NOSTRIN: variants seen among roughly 807,000 people sequenced by gnomAD.
The protein encoded by NOSTRIN is nitric oxide synthase trafficking, also known as BM247 homolog.
NOSTRIN carries 63 observed loss-of-function variants against 59.0 expected under a neutral mutation model. The observed-to-expected ratio is 1.07, with a 90% CI of 0.87 to 1.32. The LOEUF is 1.32. NOSTRIN is among the 40% of genes most tolerant of loss of function. The pLI, the probability that NOSTRIN is intolerant of heterozygous loss-of-function variation, is 0.00. For synonymous variants in NOSTRIN, 200 were observed against 165.4 expected (o/e 1.21, Z -1.61); for missense variants, 512 against 473.1 (o/e 1.08, Z -0.76).
chr2:168,801,371 C>T (rs951596358), upstream of NOSTRIN, among the ~76,000 whole-genome samples: 1 of 150,162 alleles, frequency 6.7e-6, no homozygotes, highest in African/African-American at 2.5e-5. Flanking sequence ...CAGGCACATA[C>T]CACCACATCC....
At chr2:168,830,147 C>T (rs897023999) in intron 5 of NOSTRIN, among the ~76,000 whole-genome samples, 2 of 152,068 alleles carry the variant, frequency 1.3e-5, no homozygotes, top group Non-Finnish European at 2.9e-5. Flanking sequence ...GTCTATATTT[C>T]GTTGATTACA....
chr2:168,856,837 T>C, intron 12 of NOSTRIN, 59 bp downstream of exon 12: 1 of 1,509,358 alleles, frequency 6.6e-7, no homozygotes, highest in South Asian at 1.1e-5. Context: ...ATTTTTAGAA[T>C]ACTTGTTTCT....
chr2:168,809,789 AAGTT>A (rs1440740943), intron 1 of NOSTRIN, among the ~76,000 whole-genome samples: 53 of 150,090 alleles, frequency 3.5e-4, no homozygotes, highest in Admixed American at 3.3e-4. Flanking sequence ...AAATAATAAA[AAGTT>A]AGTTTTATTG....
chr2:168,837,349 G>T, intron 7 of NOSTRIN, among the ~76,000 whole-genome samples: 1 of 108,742 alleles, frequency 9.2e-6, no homozygotes, highest in African/African-American at 3.7e-5. Flanking sequence ...TTGCTGTGTC[G>T]CCCAGGCTGG....
intron 2 of NOSTRIN, among the ~76,000 whole-genome samples, chr2:168,788,323 G>T (rs543431370): frequency 2.0e-5 from 3 of 151,016 alleles, no homozygotes; most frequent in African/African-American, 7.3e-5. Context: ...TTCTCTTCCT[G>T]AACTGTTCAG....
intron 3 of NOSTRIN, among the ~76,000 whole-genome samples, 199 bp downstream of exon 3, chr2:168,824,916 G>C (rs185207284): frequency 0.011 from 1,629 of 151,846 alleles, 19 homozygotes; most frequent in Non-Finnish European, 0.018. Flanking sequence ...GAGTAGCTGG[G>C]ACCATGCCCT....
chr2:168,818,151 T>C, intron 2 of NOSTRIN: 1 of 286,106 alleles, frequency 3.5e-6, no homozygotes, highest in South Asian at 3.3e-5. Context: ...TAGCTCTATT[T>C]TATTATTTTA....
chr2:168,864,815 T>TCTAA lies in NOSTRIN; in HGVS notation c.1385-16_1385-13dup, dbSNP rs767134914. On this transcript the variant is annotated intron_variant, in intron 15 of 15. Coordinates refer to ENST00000317647, the MANE Select transcript of NOSTRIN (RefSeq NM_001039724.4). ...TGTTCACATCACAGAGACCCATTTG[T>TCTAA]CTAACTGTATTTTCACAGGTGACAT... The TCTAA allele has an allele frequency of 3.7e-6, 6 of 1,613,290 alleles. No individual in the cohort carries two copies. In the African/African-American group the frequency reaches 4.0e-5, roughly 11 times the overall value.
intron 3 of NOSTRIN, among the ~76,000 whole-genome samples, chr2:168,827,599 G>A (rs938578196): frequency 3.3e-5 from 5 of 151,190 alleles, no homozygotes; most frequent in Admixed American, 6.6e-5. Context: ...CAGGGGATAC[G>A]GTCTTGCTCT....
At chr2:168,813,692 G>T (rs529963010) in intron 2 of NOSTRIN, among the ~76,000 whole-genome samples, 79 of 152,192 alleles carry the variant, frequency 5.2e-4, no homozygotes, top group Non-Finnish European at 2.8e-4. Flanking sequence ...TTATAGAGAA[G>T]AATTTAGAAT....
chr2:168,822,248 C>T (rs1197133116), intron 2 of NOSTRIN, among the ~76,000 whole-genome samples: 1 of 152,174 alleles, frequency 6.6e-6, no homozygotes, highest in African/African-American at 2.4e-5. Context: ...AATTCTGACA[C>T]CAAATGGTTG....
intron 1 of NOSTRIN, among the ~76,000 whole-genome samples, chr2:168,808,743 T>C (rs890216863): frequency 6.6e-6 from 1 of 152,190 alleles, no homozygotes; most frequent in African/African-American, 2.4e-5. Flanking sequence ...TGTCCTTGGA[T>C]AGAAAGTCTA....
intron 7 of NOSTRIN, among the ~76,000 whole-genome samples, chr2:168,835,847 G>A (rs1407001786): frequency 2.0e-5 from 3 of 152,066 alleles, no homozygotes; most frequent in Non-Finnish European, 4.4e-5. Flanking sequence ...AAATGAACAC[G>A]AATAATATTG....
At chr2:168,855,782 A>G in intron 11 of NOSTRIN, 2 of 419,664 alleles carry the variant, frequency 4.8e-6, no homozygotes, top group African/African-American at 2.1e-5. Flanking sequence ...GGTTTAAAAC[A>G]TGGTCAACCA....
rs1429190973 is a variant in NOSTRIN, at chr2:168,788,257, AG to A, written c.-473+210del. Among the ~76,000 whole-genome samples, 552 of 147,870 alleles carry A rather than the reference AG, an allele frequency of 3.7e-3. 6 individuals are homozygous for A. The Middle Eastern group carries it at 0.042, about 11-fold the overall frequency. ...TCCTACCTCAAAAAAAAAAAAAAAA[AG>A]ATGATGATATTGATGACTTTTTCTT... is the stretch of plus-strand genomic sequence containing the variant. On this transcript the variant is annotated intron_variant, in intron 2 of 20. Transcript: ENST00000458381.
intron 15 of NOSTRIN, among the ~76,000 whole-genome samples, chr2:168,864,565 G>A (rs148372424): frequency 2.0e-3 from 311 of 152,284 alleles, no homozygotes; most frequent in African/African-American, 6.5e-3. Context: ...GATTACAGGC[G>A]TCACCCACCA....
At chr2:168,812,506 G>A (rs556220571) in intron 2 of NOSTRIN, among the ~76,000 whole-genome samples, 17 of 152,242 alleles carry the variant, frequency 1.1e-4, no homozygotes, top group Admixed American at 1.0e-3. Context: ...AGAAAAACAA[G>A]CAGAAACTTA....
At chr2:168,857,635 GAT>G (rs1365372771) in intron 12 of NOSTRIN, among the ~76,000 whole-genome samples, 2 of 152,234 alleles carry the variant, frequency 1.3e-5, no homozygotes, top group African/African-American at 2.4e-5. Flanking sequence ...AAAATGAACA[GAT>G]ATATAGCACC....
chr2:168,787,276 C>T (rs1685231080), intron 1 of NOSTRIN, among the ~76,000 whole-genome samples: 1 of 152,172 alleles, frequency 6.6e-6, no homozygotes, highest in Non-Finnish European at 1.5e-5. Context: ...AGTGGCCTGA[C>T]CTTGACCTTC....
Sources: gnomAD v4.1 joint callset for allele counts (sites outside exome capture counted in the v4.1 genomes callset) on GRCh38, gnomAD v4.1.1 for gene constraint, MANE v1.5 for transcripts, NCBI Gene and HGNC (gene_info 2026-07-23, HGNC 2026-07-21) for gene names.